Variants in RIMS2 observed in about 807,000 individuals in gnomAD.
The protein encoded by RIMS2 is regulating synaptic membrane exocytosis protein 2.
A neutral mutation model predicts 174.4 loss-of-function variants in RIMS2; 59 were observed. The ratio of observed to expected loss-of-function variants is 0.34; its 90% CI spans 0.27 to 0.42. The LOEUF (loss-of-function observed/expected upper bound fraction) is 0.42, where lower values mean the gene tolerates loss of function less well. RIMS2 is among the 10% of genes least tolerant of loss of function. RIMS2 has a pLI of 1.00. For missense variants in RIMS2, 1,620 were observed against 1,666.3 expected, an observed-to-expected ratio of 0.97 and a Z score of 0.48; for synonymous variants, 606 against 572.5, an observed-to-expected ratio of 1.06 and a Z score of -0.84.
In RIMS2 at chr8:103,852,027, G is replaced by A. The variant is rs75434558; in HGVS notation, c.699-33271G>A. Reference sequence around the variant, plus strand: ...AGACCAATCCTCCACTGCAGTTTCCGTATTCTTCTCCCTTACTCCAAGACG... The same window carrying A: ...AGACCAATCCTCCACTGCAGTTTCCATATTCTTCTCCCTTACTCCAAGACG... On this transcript the variant is annotated intron_variant, in intron 3 of 23. Transcript: ENST00000504942. 2.7e-3 allele frequency among the ~76,000 whole-genome samples: 417 copies of A among 151,998 alleles called. 1 individual carries two copies. The highest frequency in any genetic ancestry group is 4.8e-3 in the Non-Finnish European group (325 of 67,940).
chr8:104,068,144 A>G (rs997394784), intron 19 of RIMS2, among the ~76,000 whole-genome samples: 1 of 152,212 alleles, frequency 6.6e-6, no homozygotes, highest in African/African-American at 2.4e-5. Context: ...CTATAAATAA[A>G]TCATGATGAA....
At chr8:103,549,591 T>C (rs138891477) in intron 1 of RIMS2, among the ~76,000 whole-genome samples, 29,472 of 152,094 alleles carry the variant, frequency 0.19, 3,050 homozygotes, top group Middle Eastern at 0.3. Context: ...GCTAACATCA[T>C]AATGACAGGA....
At chr8:104,160,550 AT>A (rs953717270) in intron 19 of RIMS2, among the ~76,000 whole-genome samples, 31 of 152,304 alleles carry the variant, frequency 2.0e-4, no homozygotes, top group Admixed American at 5.9e-4. Context: ...GTTAAGGAAT[AT>A]TTATATCTAC....
intron 19 of RIMS2, among the ~76,000 whole-genome samples, chr8:104,165,026 G>A (rs1486729632): frequency 6.6e-6 from 1 of 152,106 alleles, no homozygotes; most frequent in East Asian, 1.9e-4. Context: ...ATGTTTGAAA[G>A]TTCACTTCTT....
chr8:103,677,050 A>G (rs190961904), intron 1 of RIMS2, among the ~76,000 whole-genome samples: 1 of 152,288 alleles, frequency 6.6e-6, no homozygotes, highest in East Asian at 1.9e-4. Flanking sequence ...GTAATTTTAA[A>G]TTACCTTTAG....
At chr8:103,756,354 T>C (rs964081891) in intron 2 of RIMS2, among the ~76,000 whole-genome samples, 2 of 151,370 alleles carry the variant, frequency 1.3e-5, no homozygotes, top group African/African-American at 4.9e-5. Context: ...TTGGAATGGA[T>C]CCTTGGGAGA....
At chr8:104,187,276 G>A (rs765578846) in intron 19 of RIMS2, among the ~76,000 whole-genome samples, 1 of 151,732 alleles carries the variant, frequency 6.6e-6, no homozygotes, top group African/African-American at 2.4e-5. Context: ...CACTTGGTTT[G>A]TTGTTTGAGG....
chr8:104,004,806 T>C (rs2095515645), intron 17 of RIMS2, among the ~76,000 whole-genome samples: 2 of 152,076 alleles, frequency 1.3e-5, no homozygotes, highest in African/African-American at 2.4e-5. Context: ...AAAGAAGCTA[T>C]TATTTACCAC....
chr8:103,659,612 C>T (rs2096572425), intron 1 of RIMS2, among the ~76,000 whole-genome samples: 1 of 152,150 alleles, frequency 6.6e-6, no homozygotes, highest in Non-Finnish European at 1.5e-5. Flanking sequence ...CAGCTGCTAC[C>T]CCAGTTTCAT....
At chr8:103,717,632 A>G (rs1227928194) in intron 2 of RIMS2, among the ~76,000 whole-genome samples, 1 of 152,210 alleles carries the variant, frequency 6.6e-6, no homozygotes, top group Non-Finnish European at 1.5e-5. Flanking sequence ...CTTGATGATA[A>G]AACTCAGCTT....
chr8:104,226,756 G>A (rs1419553428), intron 19 of RIMS2, among the ~76,000 whole-genome samples: 3 of 152,148 alleles, frequency 2.0e-5, no homozygotes, highest in African/African-American at 7.2e-5. Flanking sequence ...AGTTTCTCAT[G>A]AACCAAGCCA....
At chr8:104,002,357 G>A (rs1263723204) in intron 17 of RIMS2, among the ~76,000 whole-genome samples, 1 of 151,948 alleles carries the variant, frequency 6.6e-6, no homozygotes, top group Non-Finnish European at 1.5e-5. Context: ...TTCTCTTGCT[G>A]CATTGTTCTT....
chr8:104,173,920 G>T (rs2098848318), intron 19 of RIMS2, among the ~76,000 whole-genome samples: 1 of 138,966 alleles, frequency 7.2e-6, no homozygotes. Context: ...AATGTTAAAG[G>T]ATTTATTTAT....
At chr8:103,501,053 C>A in exon 1 of RIMS2, 1 of 1,605,232 alleles carries the variant, frequency 6.2e-7, no homozygotes, top group South Asian at 1.1e-5. Flanking sequence ...AAGGAGCAGT[C>A]CGTGCTCAAG....
At chr8:103,560,337 A>G (rs1282674619) in intron 1 of RIMS2, among the ~76,000 whole-genome samples, 1 of 152,174 alleles carries the variant, frequency 6.6e-6, no homozygotes, top group African/African-American at 2.4e-5. Context: ...AGATTGCGCC[A>G]TTGCACTCCA....
intron 19 of RIMS2, among the ~76,000 whole-genome samples, chr8:104,073,160 C>A (rs1490752998): frequency 6.6e-6 from 1 of 151,932 alleles, no homozygotes; most frequent in Non-Finnish European, 1.5e-5. Flanking sequence ...GGTCAACTAC[C>A]CTTCTGTGAG....
intron 1 of RIMS2, among the ~76,000 whole-genome samples, chr8:103,518,626 A>G (rs962359229): frequency 1.3e-5 from 2 of 152,042 alleles, no homozygotes; most frequent in South Asian, 2.1e-4. Flanking sequence ...AATATTTAGA[A>G]TCACCTATGG....
chr8:103,790,918 A>C (rs1222764042), intron 3 of RIMS2, among the ~76,000 whole-genome samples: 1 of 152,224 alleles, frequency 6.6e-6, no homozygotes, highest in Admixed American at 6.5e-5. Flanking sequence ...GTATGGGACT[A>C]TGTGAAAAGA....
At chr8:103,853,669 C>T (rs371544589) in intron 3 of RIMS2, among the ~76,000 whole-genome samples, 16 of 151,950 alleles carry the variant, frequency 1.1e-4, no homozygotes, top group African/African-American at 3.9e-4. Context: ...TTTTTGTCAG[C>T]CTTGACAAAG....
Sources: allele counts gnomAD v4.1 joint callset (sites outside exome capture counted in the v4.1 genomes callset), GRCh38; gene constraint gnomAD v4.1.1; transcripts MANE v1.5; gene names NCBI Gene and HGNC (gene_info 2026-07-23, HGNC 2026-07-21).